Variants in USP34 observed in about 807,000 individuals in gnomAD.
USP34 encodes the protein ubiquitin specific peptidase 34, also known as ubiquitin carboxyl-terminal hydrolase 34.
Under a neutral mutation model 460.3 loss-of-function variants are expected in USP34, and 70 were observed. That is an observed-to-expected ratio of 0.15 (90% CI 0.13 to 0.19). The LOEUF (loss-of-function observed/expected upper bound fraction) is 0.19, where lower values mean the gene tolerates loss of function less well. Ranked by LOEUF, USP34 falls within the 10% of genes least tolerant of loss-of-function variation. The pLI is 1.00. For missense variants in USP34, 3,985 were observed against 4,236.2 expected, an observed-to-expected ratio of 0.94 and a Z score of 1.65; for synonymous variants, 1,647 against 1,405.3, an observed-to-expected ratio of 1.17 and a Z score of -3.85.
chr2:61,245,972 G>A lies in USP34; in HGVS notation c.6548+352C>T, dbSNP rs1291939215. On this transcript the variant is annotated intron_variant, in intron 50 of 79. Transcript: ENST00000398571. Reference sequence around the variant, plus strand: ...CCCAATAGGAGGTGAAACAAGCAGAGCATGCAGGTAACTTCTAATGGCACA... The same window carrying A: ...CCCAATAGGAGGTGAAACAAGCAGAACATGCAGGTAACTTCTAATGGCACA... Among the ~76,000 whole-genome samples the A allele has an allele frequency of 2.0e-5, 3 of 152,142 alleles. No individual in the cohort carries two copies. In the East Asian group the frequency reaches 5.8e-4, roughly 29 times the overall value.
At chr2:61,338,299 C>T (rs966744014) in intron 18 of USP34, among the ~76,000 whole-genome samples, 2 of 152,066 alleles carry the variant, frequency 1.3e-5, no homozygotes, top group Admixed American at 6.6e-5. Flanking sequence ...CCAGCCTGGG[C>T]GATGGAGCAA....
chr2:61,295,034 T>C lies in USP34; in HGVS notation c.4378-2A>G, dbSNP rs1291524206. On this transcript the variant is annotated splice_acceptor_variant, in intron 31 of 79. Coordinates refer to ENST00000398571, the MANE Select transcript of USP34 (RefSeq NM_014709.4). LOFTEE classifies it high-confidence loss of function. ...TGGATAAAGATCACTGTAACTTCCC[T>C]ATGAGAAAGGCAAAAAAAGTAAGGC... 2 of 1,610,140 alleles carry C rather than the reference T, an allele frequency of 1.2e-6. No individual in the cohort carries two copies. Among genetic ancestry groups the C allele is most frequent in the Non-Finnish European group, 1.7e-6 (2 of 1,179,044 alleles).
chr2:61,206,523 C>T (rs1020074667), intron 71 of USP34, among the ~76,000 whole-genome samples: 2 of 152,166 alleles, frequency 1.3e-5, no homozygotes, highest in East Asian at 1.9e-4. Context: ...GTTTTCCAAT[C>T]TCTGAAATCT....
intron 37 of USP34, among the ~76,000 whole-genome samples, chr2:61,282,473 C>T (rs1026731272): frequency 6.6e-6 from 1 of 152,172 alleles, no homozygotes; most frequent in Non-Finnish European, 1.5e-5. Context: ...TGTAGTCTCT[C>T]TAGCCTCTAT....
At chr2:61,302,382 G>A (rs541960121) in intron 27 of USP34, among the ~76,000 whole-genome samples, 10 of 152,136 alleles carry the variant, frequency 6.6e-5, no homozygotes, top group South Asian at 2.1e-4. Context: ...AAACACAGAA[G>A]GAATATGTTT....
chr2:61,374,734 A>C (rs1351737214), intron 8 of USP34, among the ~76,000 whole-genome samples: 1 of 151,910 alleles, frequency 6.6e-6, no homozygotes. Flanking sequence ...AGGCCCAGCT[A>C]ATTTTTGTAT....
intron 1 of USP34, among the ~76,000 whole-genome samples, chr2:61,447,611 C>A (rs952883895): frequency 6.6e-6 from 1 of 152,120 alleles, no homozygotes; most frequent in African/African-American, 2.4e-5. Flanking sequence ...TCTTACTGCA[C>A]TAAGGAGAGA....
rs763511057 is a variant in USP34, at chr2:61,296,934, A to G, written c.4129-9T>C. On this transcript the variant is annotated splice_polypyrimidine_tract_variant and intron_variant, in intron 29 of 79. Transcript: ENST00000398571. Reference sequence around the variant, plus strand: ...TCTTCACATCGTAAGCTCTACACAAATAAGAACAACTACTTTATCAAAACA... The same window carrying G: ...TCTTCACATCGTAAGCTCTACACAAGTAAGAACAACTACTTTATCAAAACA... The G allele has an allele frequency of 6.9e-6, 11 of 1,604,090 alleles. No homozygotes were observed. The highest frequency in any genetic ancestry group is 1.1e-5 in the South Asian group (1 of 88,794).
Position 61,221,491 on chromosome 2 carries a change from G to GC in USP34, c.7899+10dup, listed in dbSNP as rs763508410. 1 of 1,606,828 alleles carries GC rather than the reference G, an allele frequency of 6.2e-7. No individual in the cohort carries two copies. Among genetic ancestry groups the GC allele is most frequent in the Non-Finnish European group, 8.5e-7 (1 of 1,176,614 alleles). On this transcript the variant is annotated intron_variant, in intron 66 of 79. Coordinates refer to ENST00000398571, the MANE Select transcript of USP34 (RefSeq NM_014709.4). ...AAAATAAACATTGAAAACACCTGCT[G>GC]CAAGACTTACCTCCCATATCCTCTG...
At chr2:61,228,192 A>C (rs1390350305) in intron 61 of USP34, among the ~76,000 whole-genome samples, 1 of 152,218 alleles carries the variant, frequency 6.6e-6, no homozygotes, top group Non-Finnish European at 1.5e-5. Context: ...AAAGGACTGA[A>C]AAAGAGTGCA....
intron 34 of USP34, among the ~76,000 whole-genome samples, chr2:61,287,564 T>C (rs1206968978): frequency 6.6e-6 from 1 of 152,172 alleles, no homozygotes; most frequent in Non-Finnish European, 1.5e-5. Context: ...CCTCCTCCTC[T>C]TCTACTTCCT....
chr2:61,278,226 A>T lies in USP34; in HGVS notation c.5372T>A (p.Leu1791Gln). The stretch of plus-strand genomic sequence containing the variant: ...TTTAACAACACTTGTTGCAAGCCTT[A>T]GGAGTCCTGTAAGCCCATCATCTTC... Reference protein sequence around the residue: ...NVEDDGLTGLLRLATSVVKHK... With the variant: ...NVEDDGLTGLQRLATSVVKHK... Residue 1791 changes from leucine (L) to glutamine (Q), a missense_variant, in exon 41 of 80, where the codon CTA becomes CAA. Transcript: ENST00000398571. 1 of 1,613,814 alleles carries T rather than the reference A, an allele frequency of 6.2e-7. No individual in the cohort carries two copies. Among genetic ancestry groups the T allele is most frequent in the East Asian group, 2.2e-5 (1 of 44,868 alleles).
chr2:61,228,759 A>G (rs371929643), intron 60 of USP34, 40 bp from the exon 61 acceptor site: 3 of 1,596,954 alleles, frequency 1.9e-6, no homozygotes, highest in Non-Finnish European at 2.6e-6. Flanking sequence ...ATATAAAATA[A>G]AAGCAATTAA....
At chr2:61,195,383 A>AAAT (rs1686768861) in intron 75 of USP34, among the ~76,000 whole-genome samples, 1 of 151,344 alleles carries the variant, frequency 6.6e-6, no homozygotes. Flanking sequence ...AAAAAAAAAA[A>AAAT]ATCAGCCAGG....
At chr2:61,429,630 TATC>T (rs1011802870) in intron 1 of USP34, among the ~76,000 whole-genome samples, 2 of 151,922 alleles carry the variant, frequency 1.3e-5, no homozygotes, top group African/African-American at 4.8e-5. Flanking sequence ...AAAAAAAAGT[TATC>T]ATATATATGC....
At chr2:61,470,321 G>A (rs1695912582) in intron 1 of USP34, among the ~76,000 whole-genome samples, 2 of 152,098 alleles carry the variant, frequency 1.3e-5, no homozygotes, top group Admixed American at 6.5e-5. Flanking sequence ...TCCCGGCAGG[G>A]CGAAGGAGGC....
At chr2:61,445,049 A>T (rs188543682) in intron 1 of USP34, among the ~76,000 whole-genome samples, 4 of 152,114 alleles carry the variant, frequency 2.6e-5, no homozygotes, top group Admixed American at 2.6e-4. Context: ...GGTTTGAAGA[A>T]GCAATAGTAA....
Position 61,225,081 on chromosome 2 carries a change from A to G in USP34, c.7596-1785T>C, listed in dbSNP as rs1324201507. Among the ~76,000 whole-genome samples, 4 of 152,188 alleles carry G rather than the reference A, an allele frequency of 2.6e-5. No homozygotes were observed. In the East Asian group the frequency reaches 5.8e-4, roughly 22 times the overall value. On this transcript the variant is annotated intron_variant, in intron 62 of 79. Coordinates refer to ENST00000398571, the MANE Select transcript of USP34 (RefSeq NM_014709.4). ...TACAGGGTTTCCAGGTCTTTTCAGA[A>G]AACAGTGGTAGGTAAAACATTTTCT...
Position 61,188,656 on chromosome 2 carries a change from G to A in USP34, c.10087C>T (p.His3363Tyr), listed in dbSNP as rs761275303. ...KRRRVSSDEE[H>Y]TVDSCISDMK... ...TCACTGATGCAGCTGTCTACAGTGTGCTCCTCATCACTGCTAACACGCCGC... is the reference window on the plus strand; with the variant it reads ...TCACTGATGCAGCTGTCTACAGTGTACTCCTCATCACTGCTAACACGCCGC... The change falls in exon 80 of 80, where the codon CAC becomes TAC. Residue 3363 changes from histidine (H) to tyrosine (Y), a missense_variant. Transcript: ENST00000398571. 3 of 1,614,164 alleles carry A rather than the reference G, an allele frequency of 1.9e-6. No individual in the cohort carries two copies. Among genetic ancestry groups the A allele is most frequent in the South Asian group, 2.2e-5 (2 of 91,090 alleles).
Sources: gnomAD v4.1 joint callset for allele counts (sites outside exome capture counted in the v4.1 genomes callset) on GRCh38, gnomAD v4.1.1 for gene constraint, MANE v1.5 for transcripts, NCBI Gene and HGNC (gene_info 2026-07-23, HGNC 2026-07-21) for gene names.